ARHGAP26: variants seen among roughly 807,000 people sequenced by gnomAD.
ARHGAP26 encodes the protein rho GTPase-activating protein 26.
In ARHGAP26, 38 loss-of-function variants were observed where a neutral mutation model predicts 104.8. The ratio of observed to expected loss-of-function variants is 0.36; its 90% confidence interval spans 0.28 to 0.48. The LOEUF (loss-of-function observed/expected upper bound fraction) is 0.48, where lower values mean the gene tolerates loss of function less well. Among genes scored for constraint, ARHGAP26 ranks in the 20% least tolerant of loss-of-function variants. The probability of loss-of-function intolerance (pLI) is 0.99; values close to 1 mark genes in which losing one functional copy is unlikely to be tolerated. For missense variants in ARHGAP26, 704 were observed against 947.9 expected (o/e 0.74, Z 3.38); for synonymous variants, 341 against 340.0 (o/e 1.00, Z -0.03).
intron 17 of ARHGAP26, among the ~76,000 whole-genome samples, chr5:143,105,488 A>C (rs957226636): frequency 2.6e-5 from 4 of 152,206 alleles, no homozygotes; most frequent in African/African-American, 9.7e-5. Flanking sequence ...ATTCTGTCTT[A>C]ACGAAGATAG....
At chr5:143,016,360 A>T (rs1030040149) in intron 12 of ARHGAP26, among the ~76,000 whole-genome samples, 3 of 152,192 alleles carry the variant, frequency 2.0e-5, no homozygotes, top group Non-Finnish European at 2.9e-5. Flanking sequence ...ATGATTCTTC[A>T]GTCATTACCC....
intron 22 of ARHGAP26, among the ~76,000 whole-genome samples, chr5:143,214,494 A>C (rs953275283): frequency 4.6e-5 from 7 of 152,238 alleles, no homozygotes; most frequent in African/African-American, 1.4e-4. Flanking sequence ...CATTGTATCC[A>C]TCTTCGAAAA....
intron 20 of ARHGAP26, chr5:143,168,833 T>TA (rs1802398335): frequency 6.6e-6 from 1 of 152,134 alleles, no homozygotes; most frequent in African/African-American, 2.4e-5. Flanking sequence ...CACGTAGACT[T>TA]ACAGAAAATG....
At chr5:143,070,346 G>A (rs1234963303) in intron 17 of ARHGAP26, among the ~76,000 whole-genome samples, 2 of 152,160 alleles carry the variant, frequency 1.3e-5, no homozygotes, top group African/African-American at 4.8e-5. Context: ...ATGAAGCAAA[G>A]AACACTGGCA....
intron 20 of ARHGAP26, among the ~76,000 whole-genome samples, chr5:143,189,526 G>A (rs973104693): frequency 1.6e-4 from 24 of 152,050 alleles, no homozygotes; most frequent in African/African-American, 5.3e-4. Flanking sequence ...TTGTTTACGA[G>A]TTTATTTTCT....
intron 1 of ARHGAP26, among the ~76,000 whole-genome samples, chr5:142,859,054 C>T (rs1324395305): frequency 1.3e-5 from 2 of 151,996 alleles, no homozygotes; most frequent in Non-Finnish European, 2.9e-5. Flanking sequence ...ATTTTGTAGA[C>T]CTTGGTTGGA....
intron 11 of ARHGAP26, among the ~76,000 whole-genome samples, chr5:142,990,854 C>G (rs245717): frequency 0.26 from 39,230 of 152,012 alleles, 5,446 homozygotes; most frequent in East Asian, 0.47. Flanking sequence ...CTGGCTGTAT[C>G]AGTTGTCAGT....
chr5:142,869,975 A>G (rs531662506), intron 1 of ARHGAP26, among the ~76,000 whole-genome samples: 2 of 152,132 alleles, frequency 1.3e-5, no homozygotes, highest in South Asian at 2.1e-4. Flanking sequence ...AGCCCTACCT[A>G]CTCTGGAAAG....
chr5:142,840,595 G>A (rs962641218), intron 1 of ARHGAP26, among the ~76,000 whole-genome samples: 2 of 152,138 alleles, frequency 1.3e-5, no homozygotes, highest in Non-Finnish European at 2.9e-5. Context: ...AGGTTCCTAG[G>A]TAAATGAATG....
intron 6 of ARHGAP26, among the ~76,000 whole-genome samples, chr5:142,895,271 C>T: frequency 6.6e-6 from 1 of 152,034 alleles, no homozygotes; most frequent in Admixed American, 6.5e-5. Context: ...CGCTCTGTCA[C>T]CCAGGCTGGA....
Position 142,890,152 on chromosome 5 carries a change from ATATATATATATATAT to A in ARHGAP26, c.487-4085_487-4071del, listed in dbSNP as rs1247404774. Among the ~76,000 whole-genome samples, 103 of 21,946 alleles carry A rather than the reference ATATATATATATATAT, an allele frequency of 4.7e-3. 3 individuals are homozygous for A. Among genetic ancestry groups the A allele is most frequent in the African/African-American group, 0.012 (90 of 7,670 alleles). The allele number at this position is 21,946 out of a possible 152,430, so 14.4% of individuals were successfully genotyped here. A position where few individuals can be genotyped will look rare whatever the true frequency, so the allele number is the denominator to read the frequency against. ...ACTCCGTCTTAAAAAAAAAAAAAAA[ATATATATATATATAT>A]ATATATATATATATATATATATATA... On this transcript the variant is annotated intron_variant, in intron 5 of 22. Transcript: ENST00000645722.
At chr5:142,894,149 T>C in intron 5 of ARHGAP26, 89 bp from the exon 6 acceptor site, 1 of 971,818 alleles carries the variant, frequency 1.0e-6, no homozygotes, top group South Asian at 1.5e-5. Flanking sequence ...GAAAATTATC[T>C]CCCGAGATTT....
chr5:143,053,715 A>C (rs1480785959), intron 14 of ARHGAP26, among the ~76,000 whole-genome samples: 2 of 152,250 alleles, frequency 1.3e-5, no homozygotes, highest in Non-Finnish European at 2.9e-5. Flanking sequence ...TTGAGCTTAA[A>C]GCAATTTTTT....
Position 142,813,699 on chromosome 5 carries a change from A to G in ARHGAP26, c.154+42784A>G, listed in dbSNP as rs150099240. Among the ~76,000 whole-genome samples, 1,013 of 152,238 alleles carry G rather than the reference A, an allele frequency of 6.7e-3. 14 individuals are homozygous for G. Among genetic ancestry groups the G allele is most frequent in the African/African-American group, 0.023 (949 of 41,540 alleles). On this transcript the variant is annotated intron_variant, in intron 1 of 22. Transcript: ENST00000645722. ...GCCTGTGTCCTAATCTTCTTTTCTT[A>G]TAAGGTCACCATATTGTATTAGGGC...
In ARHGAP26 at chr5:143,224,019, G is replaced by C; in HGVS notation, c.*1573G>C. ...CCCCTTGGATGGCAGCGTTGCTTCA[G>C]AGTGTTTCCTGTTTCTGGAATTCCT... On this transcript the variant is annotated 3_prime_UTR_variant, in exon 23 of 23. Transcript: ENST00000645722. 4.3e-6 allele frequency: 1 copy of C among 231,742 alleles called. No homozygotes were observed. The highest frequency in any genetic ancestry group is 8.6e-6 in the Non-Finnish European group (1 of 116,820). The allele number at this position is 231,742 out of a possible 1,614,324, so 14.4% of individuals were successfully genotyped here. A position where few individuals can be genotyped will look rare whatever the true frequency, so the allele number is the denominator to read the frequency against.
chr5:143,065,775 A>G (rs550335257), intron 17 of ARHGAP26, among the ~76,000 whole-genome samples: 1 of 152,266 alleles, frequency 6.6e-6, no homozygotes, highest in East Asian at 1.9e-4. Flanking sequence ...CTAGGGAGGC[A>G]TGACACAAAA....
intron 17 of ARHGAP26, among the ~76,000 whole-genome samples, chr5:143,063,599 G>A (rs1055844725): frequency 6.6e-6 from 1 of 152,156 alleles, no homozygotes; most frequent in African/African-American, 2.4e-5. Flanking sequence ...CACAATAGAC[G>A]CTCATGAATA....
intron 17 of ARHGAP26, among the ~76,000 whole-genome samples, chr5:143,117,626 T>C (rs1302236336): frequency 1.3e-5 from 2 of 152,244 alleles, no homozygotes; most frequent in Non-Finnish European, 2.9e-5. Context: ...GGAAATGAAT[T>C]ATGCTGGGTA....
At chr5:143,142,088 T>G (rs1449174465) in intron 19 of ARHGAP26, among the ~76,000 whole-genome samples, 1 of 151,476 alleles carries the variant, frequency 6.6e-6, no homozygotes, top group East Asian at 1.9e-4. Context: ...TTTAATATCA[T>G]CTTTCATGTA....
Sources: allele counts gnomAD v4.1 joint callset (sites outside exome capture counted in the v4.1 genomes callset), GRCh38; gene constraint gnomAD v4.1.1; transcripts MANE v1.5; gene names NCBI Gene and HGNC (gene_info 2026-07-23, HGNC 2026-07-21).